Variants in UBE4B observed in about 807,000 individuals in gnomAD.
The protein encoded by UBE4B is ubiquitin conjugation factor E4 B.
UBE4B carries 27 observed loss-of-function variants against 148.1 expected under a neutral mutation model. The observed-to-expected ratio is 0.18, with a 90% CI of 0.13 to 0.25. UBE4B has a LOEUF of 0.25. Ranked by LOEUF, UBE4B falls within the 10% of genes least tolerant of loss-of-function variation. UBE4B has a pLI of 1.00. For synonymous variants in UBE4B, 596 were observed against 619.3 expected (o/e 0.96, Z 0.56); for missense variants, 1,170 against 1,662.4 (o/e 0.70, Z 5.15).
chr1:10,109,642 A>G (rs1265357892), intron 7 of UBE4B, among the ~76,000 whole-genome samples: 1 of 152,130 alleles, frequency 6.6e-6, no homozygotes, highest in African/African-American at 2.4e-5. Flanking sequence ...ATGAGCTAGC[A>G]AAAAACCTTG....
At chr1:10,105,788 C>G (rs1645096045) in intron 6 of UBE4B, 44 bp downstream of exon 6, 1 of 1,563,670 alleles carries the variant, frequency 6.4e-7, no homozygotes, top group Non-Finnish European at 8.8e-7. Flanking sequence ...AGTAAAATAA[C>G]TGTGAACTAC....
intron 20 of UBE4B, among the ~76,000 whole-genome samples, chr1:10,150,418 TA>T (rs953667647): frequency 6.6e-5 from 10 of 151,886 alleles, no homozygotes; most frequent in Middle Eastern, 3.4e-3. Flanking sequence ...CAGCAGAGAT[TA>T]AAAAAAAACT....
intron 1 of UBE4B, among the ~76,000 whole-genome samples, chr1:10,046,076 C>T (rs1188825734): frequency 6.6e-6 from 1 of 152,128 alleles, no homozygotes; most frequent in Non-Finnish European, 1.5e-5. Context: ...ATCTTTTGGC[C>T]CTTGTATGTC....
At chr1:10,062,304 A>G (rs1004464805) in intron 1 of UBE4B, among the ~76,000 whole-genome samples, 8 of 150,968 alleles carry the variant, frequency 5.3e-5, no homozygotes, top group Admixed American at 1.3e-4. Flanking sequence ...AATACATTCG[A>G]TGTGTGTTTT....
chr1:10,135,185 C>G lies in UBE4B; in HGVS notation c.2223C>G (p.Leu741=). ...ATGTGAATGACTGGCTGACTGAACTCTGTGAGTACTGTGTTCGTGACTCGG... is the reference window on the plus strand; with the variant it reads ...ATGTGAATGACTGGCTGACTGAACTGTGTGAGTACTGTGTTCGTGACTCGG... ...MEDVNDWLTE[L]YGDQPPFSEP... is the part of the protein sequence containing the mutation. Residue 741 remains leucine, a splice_region_variant and synonymous_variant, in exon 16 of 28, where the codon CTC becomes CTG. Coordinates refer to ENST00000343090, the MANE Select transcript of UBE4B (RefSeq NM_001105562.3). 1 of 1,612,286 alleles carries G rather than the reference C, an allele frequency of 6.2e-7. No individual in the cohort carries two copies.
intron 1 of UBE4B, chr1:10,054,783 C>CTTT (rs1249879519): frequency 2.9e-4 from 37 of 125,532 alleles, no homozygotes; most frequent in Middle Eastern, 4.0e-3. Flanking sequence ...TATCTTTCTC[C>CTTT]TTTTTTTTTT....
Position 10,106,703 on chromosome 1 carries a change from C to A in UBE4B, c.1196+120C>A. 7.6e-7 allele frequency: 1 copy of A among 1,315,438 alleles called. No individual in the cohort carries two copies. Among genetic ancestry groups the A allele is most frequent in the Non-Finnish European group, 1.0e-6 (1 of 1,001,024 alleles). The allele number at this position is 1,315,438 out of a possible 1,614,324, so 81.5% of individuals were successfully genotyped here. A position where few individuals can be genotyped will look rare whatever the true frequency, so the allele number is the denominator to read the frequency against. ...TTAAATTGTTGTTTTGGGTTATTAA[C>A]CTGTGTGGCTAACTAGTTTGGTAGG... On this transcript the variant is annotated intron_variant, in intron 7 of 27. Transcript: ENST00000343090. This position sits in a 1 kb window ranked among gnomAD's most constrained non-coding sequence, Gnocchi z 4.2.
intron 16 of UBE4B, among the ~76,000 whole-genome samples, chr1:10,136,481 T>C (rs1220701292): frequency 7.2e-6 from 1 of 139,854 alleles, no homozygotes; most frequent in Non-Finnish European, 1.6e-5. Context: ...TAAGACCCTC[T>C]TAAAAAAAAA....
chr1:10,167,992 A>G (rs963205127), intron 23 of UBE4B, 144 bp from the exon 24 acceptor site: 4 of 1,020,874 alleles, frequency 3.9e-6, no homozygotes, highest in Non-Finnish European at 5.4e-6. Flanking sequence ...ATGAAACTTC[A>G]GTTATCTGGG....
At chr1:10,122,134 C>G in intron 10 of UBE4B, 58 bp downstream of exon 10, 1 of 1,221,396 alleles carries the variant, frequency 8.2e-7, no homozygotes. Flanking sequence ...TATGTCGAGG[C>G]TAATTTCTGA....
intron 1 of UBE4B, among the ~76,000 whole-genome samples, chr1:10,050,492 G>A (rs1395872166): frequency 6.6e-6 from 1 of 152,158 alleles, no homozygotes; most frequent in Non-Finnish European, 1.5e-5. Context: ...TGGAGGAACG[G>A]GAAAGGGGTT....
intron 2 of UBE4B, among the ~76,000 whole-genome samples, chr1:10,073,832 C>G (rs1454982755): frequency 6.6e-6 from 1 of 151,848 alleles, no homozygotes; most frequent in Admixed American, 6.6e-5. Context: ...CTCTGCTGAT[C>G]TGTTTCATAC....
chr1:10,072,641 A>C (rs551585021), intron 2 of UBE4B: 1 of 599,692 alleles, frequency 1.7e-6, no homozygotes, highest in South Asian at 2.2e-5. Flanking sequence ...CTTTTTCTTT[A>C]ACTTTTCAGA....
intron 1 of UBE4B, among the ~76,000 whole-genome samples, chr1:10,046,663 T>A (rs902114697): frequency 6.6e-6 from 1 of 152,170 alleles, no homozygotes; most frequent in Non-Finnish European, 1.5e-5. Flanking sequence ...GCCTCTGACT[T>A]TATTTTCTGG....
intron 1 of UBE4B, among the ~76,000 whole-genome samples, chr1:10,055,222 C>T (rs1478582560): frequency 6.6e-6 from 1 of 152,072 alleles, no homozygotes; most frequent in African/African-American, 2.4e-5. Context: ...TAATGAATGC[C>T]AATTGGAACA....
At position 10,067,088 on chromosome 1, in the gene UBE4B, T is replaced by C. The variant is rs78785018; in HGVS notation, c.25-4940T>C. Among the ~76,000 whole-genome samples, 302 of 152,322 alleles carry C rather than the reference T, an allele frequency of 2.0e-3. 1 individual carries two copies. The highest frequency in any genetic ancestry group is 6.8e-3 in the African/African-American group (284 of 41,576). On this transcript the variant is annotated intron_variant, in intron 1 of 27. Coordinates refer to ENST00000343090, the MANE Select transcript of UBE4B (RefSeq NM_001105562.3). ...TATAACAGTGTTTTGTGGGTGTTTT[T>C]CCCCACAAACTGCTAAAAATAAGAG...
Position 10,098,525 on chromosome 1 carries a change from G to A in UBE4B, c.348-2583G>A, listed in dbSNP as rs977253262. On this transcript the variant is annotated intron_variant, in intron 3 of 27. Coordinates refer to ENST00000343090, the MANE Select transcript of UBE4B (RefSeq NM_001105562.3). ...CCTGTAGACTATGAACTAGAGTGAC[G>A]TGTCACTTTTAGATGAAGGCAGTTG... is the stretch of plus-strand genomic sequence containing the variant. 5.3e-5 allele frequency among the ~76,000 whole-genome samples: 8 copies of A among 152,240 alleles called. No individual in the cohort carries two copies. The East Asian group carries it at 5.8e-4, about 11-fold the overall frequency.
chr1:10,044,242 C>T lies in UBE4B; in HGVS notation c.24+10548C>T, dbSNP rs544477368. The stretch of plus-strand genomic sequence containing the variant: ...CTAATTTTTGTATTTTTAGCGGAGA[C>T]GGGGTTTTACTCTTGTTGTCCAGGC... On this transcript the variant is annotated intron_variant, in intron 1 of 27. Coordinates refer to ENST00000343090, the MANE Select transcript of UBE4B (RefSeq NM_001105562.3). Among the ~76,000 whole-genome samples the T allele has an allele frequency of 5.9e-5, 9 of 151,350 alleles. 1 individual carries two copies. The East Asian group carries it at 1.4e-3, about 23-fold the overall frequency.
chr1:10,159,403 T>C (rs953620329), intron 22 of UBE4B, among the ~76,000 whole-genome samples: 5 of 152,228 alleles, frequency 3.3e-5, no homozygotes, highest in Non-Finnish European at 7.3e-5. Flanking sequence ...CCGGGCGTGG[T>C]GGCTCATGCC....
Sources: allele counts gnomAD v4.1 joint callset (sites outside exome capture counted in the v4.1 genomes callset), GRCh38; gene constraint gnomAD v4.1.1; non-coding constraint Gnocchi (gnomAD v3.1); transcripts MANE v1.5; gene names NCBI Gene and HGNC (gene_info 2026-07-23, HGNC 2026-07-21).